Variants in TMCO1 observed in about 807,000 individuals in gnomAD.
The protein encoded by TMCO1 is transmembrane and coiled-coil domains 1, also known as calcium load-activated calcium channel.
A neutral mutation model predicts 29.3 loss-of-function variants in TMCO1; 29 were observed. The observed-to-expected ratio is 0.99, with a 90% confidence interval of 0.74 to 1.35. The LOEUF (loss-of-function observed/expected upper bound fraction) is 1.35, where lower values mean the gene tolerates loss of function less well. Ranked by LOEUF, TMCO1 falls within the 40% of genes most tolerant of loss-of-function variation. The pLI, the probability that TMCO1 is intolerant of heterozygous loss-of-function variation, is 0.00. For synonymous variants in TMCO1, 80 were observed against 77.1 expected (o/e 1.04, Z -0.20); for missense variants, 173 against 225.5 (o/e 0.77, Z 1.49).
chr1:165,726,970 T>G lies in TMCO1; in HGVS notation c.*1053A>C. On this transcript the variant is annotated 3_prime_UTR_variant, in exon 7 of 7. Transcript: ENST00000367881. ...AACAATGATTACCTTGAAAATTATG[T>G]GTTTTTTCTCACTGGTAGAATACTC... 2.2e-6 allele frequency: 1 copy of G among 454,102 alleles called. No homozygotes were observed. The highest frequency in any genetic ancestry group is 1.6e-5 in the South Asian group (1 of 64,474). 28.1% of individuals were successfully genotyped at this position (454,102 alleles called of 1,614,324 possible).
At chr1:165,760,765 A>C (rs113204222) in intron 2 of TMCO1, among the ~76,000 whole-genome samples, 2,010 of 152,180 alleles carry the variant, frequency 0.013, 51 homozygotes, top group African/African-American at 0.047. Flanking sequence ...CTCGCCACTG[A>C]ACTCCAGCCT....
chr1:165,746,461 A>T (rs1308189318), intron 5 of TMCO1, among the ~76,000 whole-genome samples: 16 of 148,166 alleles, frequency 1.1e-4, no homozygotes, highest in African/African-American at 4.0e-4. Flanking sequence ...TATCACACAC[A>T]CACACACACA....
At chr1:165,742,264 C>A (rs1486919282) in intron 6 of TMCO1, among the ~76,000 whole-genome samples, 1 of 147,972 alleles carries the variant, frequency 6.8e-6, no homozygotes, top group Non-Finnish European at 1.5e-5. Context: ...TATCGGCTCC[C>A]CCCCTTTTCT....
At chr1:165,752,654 C>T (rs963754253) in intron 4 of TMCO1, among the ~76,000 whole-genome samples, 1 of 151,694 alleles carries the variant, frequency 6.6e-6, no homozygotes, top group African/African-American at 2.4e-5. Context: ...ATTAGCCAGG[C>T]GTACTGGCGG....
At chr1:165,728,982 T>A (rs1172228163) in intron 6 of TMCO1, among the ~76,000 whole-genome samples, 4 of 151,836 alleles carry the variant, frequency 2.6e-5, no homozygotes. Flanking sequence ...GGCATACACC[T>A]GTAGTCCTAG....
chr1:165,730,363 A>T (rs1326111057), intron 6 of TMCO1, among the ~76,000 whole-genome samples: 4 of 151,962 alleles, frequency 2.6e-5, no homozygotes, highest in Non-Finnish European at 5.9e-5. Context: ...AACAAAAAAA[A>T]AAAAAGAATG....
At chr1:165,734,224 G>T (rs968613332) in intron 6 of TMCO1, among the ~76,000 whole-genome samples, 2 of 152,020 alleles carry the variant, frequency 1.3e-5, no homozygotes, top group Non-Finnish European at 2.9e-5. Flanking sequence ...TATCTGACTA[G>T]ACTATTTGGG....
At chr1:165,738,666 ATAGG>A (rs1260811970) in intron 6 of TMCO1, among the ~76,000 whole-genome samples, 8 of 152,220 alleles carry the variant, frequency 5.3e-5, no homozygotes, top group Non-Finnish European at 8.8e-5. Context: ...ACAGTGAGTA[ATAGG>A]TAGAGAAACA....
At chr1:165,736,078 C>T (rs1651367460) in intron 6 of TMCO1, among the ~76,000 whole-genome samples, 1 of 152,130 alleles carries the variant, frequency 6.6e-6, no homozygotes, top group Non-Finnish European at 1.5e-5. Context: ...AAAAAAAGGT[C>T]CCGAAGAGCT....
intron 6 of TMCO1, 93 bp from the exon 7 acceptor site, chr1:165,728,214 A>G (rs1196139911): frequency 1.1e-6 from 1 of 943,800 alleles, no homozygotes; most frequent in East Asian, 3.0e-5. Flanking sequence ...ACTCATACTC[A>G]TATAGATTAA....
At chr1:165,733,239 C>T (rs1046945916) in intron 6 of TMCO1, among the ~76,000 whole-genome samples, 3 of 152,216 alleles carry the variant, frequency 2.0e-5, no homozygotes, top group African/African-American at 7.2e-5. Context: ...ACAATCTCAT[C>T]CATTAAACTT....
At chr1:165,766,107 C>T (rs1652554358) in intron 2 of TMCO1, among the ~76,000 whole-genome samples, 1 of 152,134 alleles carries the variant, frequency 6.6e-6, no homozygotes, top group South Asian at 2.1e-4. Context: ...TATCTGCAGA[C>T]AGACTAGATG....
intron 6 of TMCO1, among the ~76,000 whole-genome samples, chr1:165,739,088 G>A (rs1420028718): frequency 1.3e-5 from 2 of 152,056 alleles, no homozygotes; most frequent in Non-Finnish European, 2.9e-5. Flanking sequence ...ACAAACATAT[G>A]AAAATTTTTT....
intron 5 of TMCO1, among the ~76,000 whole-genome samples, chr1:165,748,598 C>T (rs1261593491): frequency 6.6e-6 from 1 of 151,838 alleles, no homozygotes; most frequent in African/African-American, 2.4e-5. Context: ...GGAAGGGAAA[C>T]AAAAAAGGTT....
At chr1:165,729,583 G>T (rs992917227) in intron 6 of TMCO1, among the ~76,000 whole-genome samples, 1 of 152,074 alleles carries the variant, frequency 6.6e-6, no homozygotes, top group Non-Finnish European at 1.5e-5. Flanking sequence ...GCCTCCCAAA[G>T]TGCTGGGATT....
chr1:165,743,426 CAA>C, intron 5 of TMCO1, 115 bp from the exon 6 acceptor site: 1 of 1,080,884 alleles, frequency 9.3e-7, no homozygotes, highest in South Asian at 1.5e-5. Context: ...CTCTGAAAAA[CAA>C]AGAGAGGGTG....
intron 6 of TMCO1, among the ~76,000 whole-genome samples, chr1:165,740,889 C>T (rs920801611): frequency 6.6e-6 from 1 of 152,228 alleles, no homozygotes; most frequent in South Asian, 2.1e-4. Context: ...GCACCATGCT[C>T]TTGGCCTTCC....
downstream of TMCO1, chr1:165,725,002 CTCTCTCTCTCTCTCTCTCTCTCTATA>C (rs1217377199): frequency 1.7e-5 from 4 of 231,156 alleles, no homozygotes; most frequent in Admixed American, 6.3e-5. Context: ...CTCTCTCTCT[CTCTCTCTCTCTCTCTCTCTCTCTATA>C]TATATATATA....
At position 165,729,647 on chromosome 1, in the gene TMCO1, A is replaced by T. The variant is rs369759603; in HGVS notation, c.469-1526T>A. On this transcript the variant is annotated intron_variant, in intron 6 of 6. Transcript: ENST00000367881. The stretch of plus-strand genomic sequence containing the variant: ...TGTAGCATTTTATAAGAGGAAAAAA[A>T]CCTTAGAGATCCTGATTATTCTTGC... 1.1e-4 allele frequency among the ~76,000 whole-genome samples: 16 copies of T among 152,224 alleles called. No homozygotes were observed. The East Asian group carries it at 2.3e-3, about 22-fold the overall frequency.
Sources: allele counts gnomAD v4.1 joint callset (sites outside exome capture counted in the v4.1 genomes callset), GRCh38; gene constraint gnomAD v4.1.1; transcripts MANE v1.5; gene names NCBI Gene and HGNC (gene_info 2026-07-23, HGNC 2026-07-21).